The following TULP4 variants were observed in gnomAD, a reference collection of about 807,000 sequenced individuals.
TULP4 encodes the protein TUB like protein 4, also known as tubby-related protein 4.
Under a neutral mutation model 129.0 loss-of-function variants are expected in TULP4, and 16 were observed. The ratio of observed to expected loss-of-function variants is 0.12; its 90% CI spans 0.08 to 0.19. TULP4 has a LOEUF of 0.19. Among genes scored for constraint, TULP4 ranks in the 10% least tolerant of loss-of-function variants. The pLI is 1.00. For missense variants in TULP4, 1,842 were observed against 2,059.1 expected, an observed-to-expected ratio of 0.89 and a Z score of 2.04; for synonymous variants, 998 against 854.0, an observed-to-expected ratio of 1.17 and a Z score of -2.94.
chr6:158,489,803 A>G (rs1780157808), intron 9 of TULP4, 71 bp downstream of exon 9: 1 of 1,579,828 alleles, frequency 6.3e-7, no homozygotes, highest in South Asian at 1.2e-5. Context: ...CTGCAACAGA[A>G]TCGCATTGAA....
intron 1 of TULP4, among the ~76,000 whole-genome samples, chr6:158,283,560 A>C (rs1778792746): frequency 6.6e-6 from 1 of 152,142 alleles, no homozygotes; most frequent in Non-Finnish European, 1.5e-5. Flanking sequence ...ATTTGATTCA[A>C]CTTTGGATCT....
intron 2 of TULP4, among the ~76,000 whole-genome samples, chr6:158,421,361 CAA>C (rs71030167): frequency 2.3e-4 from 33 of 142,238 alleles, no homozygotes; most frequent in African/African-American, 2.3e-4. Flanking sequence ...GGCTCCGTCT[CAA>C]AAAAAAAAAA....
intron 1 of TULP4, among the ~76,000 whole-genome samples, chr6:158,325,368 T>TTTTTC (rs1779723196): frequency 6.6e-6 from 1 of 151,164 alleles, no homozygotes; most frequent in Non-Finnish European, 1.5e-5. Context: ...TTTTTTTTTT[T>TTTTTC]TTCAGACAGA....
chr6:158,248,868 C>G (rs942464646), intron 1 of TULP4, among the ~76,000 whole-genome samples: 1 of 151,940 alleles, frequency 6.6e-6, no homozygotes, highest in African/African-American at 2.4e-5. Context: ...ACATGTAATC[C>G]CAGCACGTTG....
intron 3 of TULP4, among the ~76,000 whole-genome samples, chr6:158,434,616 T>C (rs1284444537): frequency 6.6e-6 from 1 of 152,206 alleles, no homozygotes; most frequent in African/African-American, 2.4e-5. Flanking sequence ...ATTTGAGACG[T>C]TGACATTTTG....
At chr6:158,266,979 C>T (rs973402120) in intron 1 of TULP4, among the ~76,000 whole-genome samples, 4 of 152,206 alleles carry the variant, frequency 2.6e-5, no homozygotes, top group Non-Finnish European at 5.9e-5. Context: ...ACCCCTTCCC[C>T]AGCCTCTGAT....
At position 158,504,046 on chromosome 6, in the gene TULP4, A is replaced by G; in HGVS notation, c.4383A>G (p.Gln1461=). 1 of 1,609,936 alleles carries G rather than the reference A, an allele frequency of 6.2e-7. No homozygotes were observed. The highest frequency in any genetic ancestry group is 8.5e-7 in the Non-Finnish European group (1 of 1,178,276). Residue 1461 remains glutamine (Q), a synonymous_variant, in exon 13 of 14, where the codon CAA becomes CAG. Transcript: ENST00000367097. ...AGGAGGACGGGCGGCTGGGCAGCCAAGGCTTCGTGTACGTGATGGCCAACA... is the reference window on the plus strand; with the variant it reads ...AGGAGGACGGGCGGCTGGGCAGCCAGGGCTTCGTGTACGTGATGGCCAACA... ...SEKEDGRLGS[Q]GFVYVMANKQ...
At chr6:158,282,809 A>G (rs1242402901) in intron 1 of TULP4, 2 of 152,010 alleles carry the variant, frequency 1.3e-5, no homozygotes, top group Non-Finnish European at 2.9e-5. Context: ...TCTGTCTAGA[A>G]TTATTTTAAT....
chr6:158,246,508 T>A (rs1778034283), intron 1 of TULP4, among the ~76,000 whole-genome samples: 1 of 151,112 alleles, frequency 6.6e-6, no homozygotes, highest in African/African-American at 2.4e-5. Context: ...AAAAAAAAAA[T>A]TAAATACATT....
At chr6:158,437,337 G>C (rs1778774191) in intron 3 of TULP4, among the ~76,000 whole-genome samples, 1 of 152,184 alleles carries the variant, frequency 6.6e-6, no homozygotes, top group South Asian at 2.1e-4. Flanking sequence ...CAGAGCAGGA[G>C]AATTGCTTGA....
chr6:158,247,861 A>G (rs1778055959), intron 1 of TULP4, among the ~76,000 whole-genome samples: 1 of 152,214 alleles, frequency 6.6e-6, no homozygotes, highest in Admixed American at 6.5e-5. Context: ...TGAAAAGTTG[A>G]TCAGCAGTGA....
intron 1 of TULP4, among the ~76,000 whole-genome samples, chr6:158,298,083 A>T (rs986106888): frequency 6.6e-6 from 1 of 152,162 alleles, no homozygotes; most frequent in Non-Finnish European, 1.5e-5. Flanking sequence ...ACATCCATTT[A>T]TAGGCTCTCT....
intron 1 of TULP4, among the ~76,000 whole-genome samples, chr6:158,335,820 A>T (rs913361667): frequency 1.3e-5 from 2 of 152,346 alleles, no homozygotes; most frequent in South Asian, 4.1e-4. Flanking sequence ...ACTACTGTAT[A>T]TCGTAGTACT....
intron 4 of TULP4, 33 bp from the exon 5 acceptor site, chr6:158,452,101 C>T (rs971881162): frequency 3.1e-6 from 5 of 1,608,770 alleles, no homozygotes; most frequent in Non-Finnish European, 4.2e-6. Flanking sequence ...GGTGTGCTTC[C>T]CTCCTTTTCA....
chr6:158,359,916 T>C (rs1227129051), intron 1 of TULP4, among the ~76,000 whole-genome samples: 1 of 152,212 alleles, frequency 6.6e-6, no homozygotes, highest in Non-Finnish European at 1.5e-5. Context: ...TTTCTGTCTG[T>C]TCTGCTCTTG....
chr6:158,368,851 ATTTTTAATC>A (rs746363809), intron 1 of TULP4, among the ~76,000 whole-genome samples: 1 of 152,182 alleles, frequency 6.6e-6, no homozygotes, highest in Non-Finnish European at 1.5e-5. Context: ...GAAATTTAAC[ATTTTTAATC>A]TTTGTAGTAA....
chr6:158,335,302 C>A (rs1780008614), intron 1 of TULP4, among the ~76,000 whole-genome samples: 1 of 149,390 alleles, frequency 6.7e-6, no homozygotes, highest in African/African-American at 2.5e-5. Flanking sequence ...AATTTTTGTT[C>A]TTTATAAGTA....
chr6:158,281,407 G>T (rs1164638374), upstream of TULP4, among the ~76,000 whole-genome samples: 1 of 152,038 alleles, frequency 6.6e-6, no homozygotes, highest in African/African-American at 2.4e-5. Flanking sequence ...TAGAGATGGG[G>T]TTTCACTATG....
At chr6:158,296,304 A>C (rs575439201) in intron 1 of TULP4, among the ~76,000 whole-genome samples, 1 of 152,048 alleles carries the variant, frequency 6.6e-6, no homozygotes, top group Non-Finnish European at 1.5e-5. Flanking sequence ...CAATATTTCA[A>C]CGTAGGTTCT....
Sources: gnomAD v4.1 joint callset for allele counts (sites outside exome capture counted in the v4.1 genomes callset) on GRCh38, gnomAD v4.1.1 for gene constraint, MANE v1.5 for transcripts, NCBI Gene and HGNC (gene_info 2026-07-23, HGNC 2026-07-21) for gene names.